Variants in DCDC2C observed in about 807,000 individuals in gnomAD.
DCDC2C encodes the protein doublecortin domain-containing protein 2C.
DCDC2C carries 44 observed loss-of-function variants against 45.0 expected under a neutral mutation model. The observed-to-expected ratio is 0.98, with a 90% CI of 0.77 to 1.26. DCDC2C has a LOEUF of 1.26. Ranked by LOEUF, DCDC2C falls within the 50% of genes most tolerant of loss-of-function variation. The pLI is 0.00. For synonymous variants in DCDC2C, 187 were observed against 178.8 expected, an observed-to-expected ratio of 1.05 and a Z score of -0.37; for missense variants, 447 against 468.9, an observed-to-expected ratio of 0.95 and a Z score of 0.43.
intron 10 of DCDC2C, among the ~76,000 whole-genome samples, chr2:3,799,899 G>A (rs1346670565): frequency 1.3e-5 from 2 of 152,270 alleles, no homozygotes; most frequent in Admixed American, 1.3e-4. Flanking sequence ...GCTCCACCCA[G>A]TTCGAGCTTC....
At chr2:3,814,142 C>T (rs913837012) in intron 10 of DCDC2C, among the ~76,000 whole-genome samples, 20 of 152,104 alleles carry the variant, frequency 1.3e-4, no homozygotes, top group Admixed American at 1.2e-3. Flanking sequence ...ATTTTCCCCA[C>T]CTCCTTTTGG....
chr2:3,752,914 G>T lies in DCDC2C; in HGVS notation c.683+14G>T, dbSNP rs546783864. ...TGAGGTCCAACAGTGAGCATGCTTCGTACCTTTCTTTCCTGAGTTTTGGAA... is the reference window on the plus strand; with the variant it reads ...TGAGGTCCAACAGTGAGCATGCTTCTTACCTTTCTTTCCTGAGTTTTGGAA... On this transcript the variant is annotated intron_variant, in intron 5 of 10. Transcript: ENST00000399143. The T allele has an allele frequency of 6.5e-7, 1 of 1,546,348 alleles. No homozygotes were observed. The highest frequency in any genetic ancestry group is 1.4e-5 in the African/African-American group (1 of 72,966).
Position 3,735,154 on chromosome 2 carries a change from C to A in DCDC2C, c.417-6766C>A, listed in dbSNP as rs542221757. ...CAGGATAACTGAACTTTGTGTCTAG[C>A]CACTCCACGGTCCTTTTTGCTAACA... On this transcript the variant is annotated intron_variant, in intron 3 of 10. Transcript: ENST00000399143. Among the ~76,000 whole-genome samples the A allele has an allele frequency of 1.2e-4, 18 of 152,296 alleles. No individual in the cohort carries two copies. The East Asian group carries it at 1.9e-3, about 16-fold the overall frequency.
intron 10 of DCDC2C, among the ~76,000 whole-genome samples, chr2:3,831,070 C>A (rs550661694): frequency 5.1e-4 from 77 of 152,162 alleles, no homozygotes; most frequent in Non-Finnish European, 7.9e-4. Flanking sequence ...CAGTAGTGAT[C>A]AAAGATCGTG....
At chr2:3,785,228 T>G in intron 10 of DCDC2C, 128 bp downstream of exon 10, 1 of 604,246 alleles carries the variant, frequency 1.7e-6, no homozygotes, top group Non-Finnish European at 2.4e-6. Context: ...GCCTCTGTCA[T>G]ACACCCTAGC....
intron 10 of DCDC2C, among the ~76,000 whole-genome samples, chr2:3,796,403 G>C (rs200023387): frequency 1.8e-5 from 2 of 113,936 alleles, no homozygotes; most frequent in African/African-American, 7.4e-5. Flanking sequence ...TTCCAACACT[G>C]TGTTGAATAG....
intron 6 of DCDC2C, among the ~76,000 whole-genome samples, chr2:3,758,613 A>C (rs1669790816): frequency 6.6e-6 from 1 of 152,198 alleles, no homozygotes; most frequent in Non-Finnish European, 1.5e-5. Context: ...TGCAGCTGCC[A>C]GCGTCAGTGA....
Position 3,761,988 on chromosome 2 carries a change from A to G in DCDC2C, c.727-5766A>G, listed in dbSNP as rs1669891076. ...CTGAAAACATTTTCAATAGGGAGAAAGATGAATGAAATTGAGAAGCGGTAC... is the reference window on the plus strand; with the variant it reads ...CTGAAAACATTTTCAATAGGGAGAAGGATGAATGAAATTGAGAAGCGGTAC... On this transcript the variant is annotated intron_variant, in intron 6 of 10. Coordinates refer to ENST00000399143, the MANE Select transcript of DCDC2C (RefSeq NM_001287444.2). This position sits in a 1 kb window ranked among gnomAD's most constrained non-coding sequence, Gnocchi z 4.3. 6.6e-6 allele frequency among the ~76,000 whole-genome samples: 1 copy of G among 152,206 alleles called. No individual in the cohort carries two copies. Among genetic ancestry groups the G allele is most frequent in the African/African-American group, 2.4e-5 (1 of 41,450 alleles).
intron 2 of DCDC2C, among the ~76,000 whole-genome samples, chr2:3,716,078 C>T (rs1309111048): frequency 6.6e-6 from 1 of 152,132 alleles, no homozygotes; most frequent in Non-Finnish European, 1.5e-5. Context: ...GGACCTTGAG[C>T]AAGAGTGTTT....
chr2:3,731,355 C>A (rs1668862044), intron 3 of DCDC2C, among the ~76,000 whole-genome samples: 1 of 152,162 alleles, frequency 6.6e-6, no homozygotes, highest in Non-Finnish European at 1.5e-5. Flanking sequence ...CACATTTAGC[C>A]ATTTGAAGGT....
intron 2 of DCDC2C, among the ~76,000 whole-genome samples, chr2:3,716,124 C>A (rs2148053444): frequency 6.6e-6 from 1 of 152,266 alleles, no homozygotes; most frequent in South Asian, 2.1e-4. Flanking sequence ...TAGGAGGCTG[C>A]TGCAATGATC....
Position 3,741,915 on chromosome 2 carries a change from TAC to T in DCDC2C, c.417-3_417-2del. ...TAATGGATGCTTTTCTTTTTATTCT[TAC>T]AGTGTTTTTACAAATGGAAGATTAT... On this transcript the variant is annotated splice_polypyrimidine_tract_variant and splice_region_variant and intron_variant, in intron 3 of 10. Transcript: ENST00000399143. 1 of 1,543,302 alleles carries T rather than the reference TAC, an allele frequency of 6.5e-7. No homozygotes were observed. Among genetic ancestry groups the T allele is most frequent in the Non-Finnish European group, 8.7e-7 (1 of 1,144,564 alleles).
intron 1 of DCDC2C, among the ~76,000 whole-genome samples, chr2:3,707,264 G>T (rs1456294029): frequency 6.6e-6 from 1 of 152,104 alleles, no homozygotes; most frequent in Non-Finnish European, 1.5e-5. Flanking sequence ...GTTTTTGTAG[G>T]ATCTTTTTAT....
intron 10 of DCDC2C, among the ~76,000 whole-genome samples, chr2:3,800,403 T>C (rs1203440834): frequency 6.6e-6 from 1 of 152,180 alleles, no homozygotes; most frequent in African/African-American, 2.4e-5. Context: ...CTCTGCAAAT[T>C]TGAAGTTTTT....
Position 3,708,596 on chromosome 2 carries a change from A to G in DCDC2C, c.335A>G (p.Lys112Arg). The G allele has an allele frequency of 6.5e-7, 1 of 1,548,912 alleles. No homozygotes were observed. Among genetic ancestry groups the G allele is most frequent in the Non-Finnish European group, 8.7e-7 (1 of 1,146,076 alleles). ...PRKPAKIRKL[K>R]EIKPVVHCDI... is the part of the protein sequence containing the mutation. ...AAACCTGCAAAGATAAGGAAGTTGA[A>G]GGAAGTAAGTGTTTGCTTCTAACAA... Residue 112 changes from lysine to arginine, a missense_variant, in exon 2 of 11, where the codon AAG (lysine) becomes AGG (arginine). Physicochemically the swap from Lys to Arg is conservative, Grantham distance 26. Coordinates refer to ENST00000399143, the MANE Select transcript of DCDC2C (RefSeq NM_001287444.2).
At chr2:3,805,939 T>C (rs1356075753) in intron 10 of DCDC2C, among the ~76,000 whole-genome samples, 1 of 152,242 alleles carries the variant, frequency 6.6e-6, no homozygotes, top group Non-Finnish European at 1.5e-5. Flanking sequence ...CGGGTTGTAC[T>C]GCACCCTCAG....
At chr2:3,704,855 T>G (rs1668022318) in intron 1 of DCDC2C, among the ~76,000 whole-genome samples, 1 of 152,176 alleles carries the variant, frequency 6.6e-6, no homozygotes, top group South Asian at 2.1e-4. Flanking sequence ...AAGCTTGCCT[T>G]TAATTAAACT....
Position 3,725,966 on chromosome 2 carries a change from G to A in DCDC2C, c.340-1037G>A, listed in dbSNP as rs535774118. ...TGTTGTCGGGAAGACGATGGTGTCC[G>A]TGGGAGGTGACAGAGCGGGACCCTG... is the stretch of plus-strand genomic sequence containing the variant. On this transcript the variant is annotated intron_variant, in intron 2 of 10. Coordinates refer to ENST00000399143, the MANE Select transcript of DCDC2C (RefSeq NM_001287444.2). 43 of 160,068 alleles carry A rather than the reference G, an allele frequency of 2.7e-4. 1 individual carries two copies. Among genetic ancestry groups the A allele is most frequent in the Admixed American group, 1.2e-3 (18 of 15,538 alleles). The allele number at this position is 160,068 out of a possible 1,614,324, so 9.9% of individuals were successfully genotyped here.
At chr2:3,755,162 T>C (rs963434752) in intron 6 of DCDC2C, among the ~76,000 whole-genome samples, 1 of 152,186 alleles carries the variant, frequency 6.6e-6, no homozygotes, top group Admixed American at 6.5e-5. Context: ...TGGATGCATG[T>C]GTATGTATGG....
Sources: gnomAD v4.1 joint callset for allele counts (sites outside exome capture counted in the v4.1 genomes callset) on GRCh38, gnomAD v4.1.1 for gene constraint, Gnocchi (gnomAD v3.1) non-coding constraint, MANE v1.5 for transcripts, NCBI Gene and HGNC (gene_info 2026-07-23, HGNC 2026-07-21) for gene names.